Variants in STX4 observed in about 807,000 individuals in gnomAD.
STX4 encodes syntaxin-4.
A neutral mutation model predicts 41.8 loss-of-function variants in STX4; 24 were observed. That is an observed-to-expected ratio of 0.57 (90% CI 0.42 to 0.81). STX4 has a LOEUF of 0.81. Ranked by LOEUF, STX4 falls within the 30% of genes least tolerant of loss-of-function variation. The pLI is 0.00. For missense variants in STX4, 316 were observed against 389.9 expected (o/e 0.81, Z 1.60); for synonymous variants, 158 against 156.4 (o/e 1.01, Z -0.08).
At position 31,033,584 on chromosome 16, in the gene STX4, G is replaced by A. The variant is rs1028989205; in HGVS notation, c.-222G>A. The A allele has an allele frequency of 6.5e-7, 1 of 1,529,416 alleles. No homozygotes were observed. Among genetic ancestry groups the A allele is most frequent in the Non-Finnish European group, 8.8e-7 (1 of 1,136,348 alleles). The allele number at this position is 1,529,416 out of a possible 1,614,324, so 94.7% of individuals were successfully genotyped here. ...CTGAGGCTGCGGGAGCTGGAGCGGG[G>A]AAGAAAAGGGAATTCCAACCTGTGG... On this transcript the variant is annotated 5_prime_UTR_variant, in exon 1 of 11. Transcript: ENST00000313843. This position sits in a 1 kb window ranked among gnomAD's most constrained non-coding sequence, Gnocchi z 5.5.
At position 31,038,716 on chromosome 16, in the gene STX4, T is replaced by C. The variant is rs548016771; in HGVS notation, c.702+69T>C. 5 of 1,574,988 alleles carry C rather than the reference T, an allele frequency of 3.2e-6. No homozygotes were observed. In the East Asian group the frequency reaches 9.1e-5, roughly 29 times the overall value. On this transcript the variant is annotated intron_variant, in intron 8 of 10. Coordinates refer to ENST00000313843, the MANE Select transcript of STX4 (RefSeq NM_004604.5). ...CAAACTGCCAGCCTCCCGCCACCCT[T>C]AGATTCTCTCCCTGAGGCTTTTGTG...
intron 5 of STX4, 50 bp from the exon 6 acceptor site, chr16:31,037,876 C>A (rs999912733): frequency 2.5e-6 from 4 of 1,604,404 alleles, no homozygotes; most frequent in Non-Finnish European, 3.4e-6. Flanking sequence ...GAGGCACCGA[C>A]CGGGCAGGGA....
chr16:31,034,657 T>C, intron 4 of STX4, 121 bp downstream of exon 4: 1 of 1,163,892 alleles, frequency 8.6e-7, no homozygotes, highest in South Asian at 1.7e-5. Flanking sequence ...CAGGCCTGGG[T>C]CTAGCATCTG....
At chr16:31,037,690 TAAATA>T (rs1181515212) in intron 5 of STX4, among the ~76,000 whole-genome samples, 37 of 149,892 alleles carry the variant, frequency 2.5e-4, no homozygotes, top group African/African-American at 7.8e-4. Context: ...AATAAATAAA[TAAATA>T]AATAAATAAA....
Position 31,039,965 on chromosome 16 carries a change from G to A in STX4, c.*69G>A. On this transcript the variant is annotated 3_prime_UTR_variant, in exon 11 of 11. Transcript: ENST00000313843. The surrounding 1 kb of genome is among the most constrained non-coding windows in gnomAD (Gnocchi z 4.1). ...TGGCCTTCTCTCCCAGCAGCCTGGG[G>A]GGCAGGGCAGAGCCTCCAGTCGGAC... is the stretch of plus-strand genomic sequence containing the variant. 1.3e-6 allele frequency: 1 copy of A among 776,366 alleles called. No homozygotes were observed. The allele number at this position is 776,366 out of a possible 1,614,324, so 48.1% of individuals were successfully genotyped here.
chr16:31,034,681 A>G (rs2143716375), intron 4 of STX4, 145 bp downstream of exon 4: 3 of 940,966 alleles, frequency 3.2e-6, no homozygotes, highest in Non-Finnish European at 4.7e-6. Flanking sequence ...CCTGGCCTCC[A>G]GGCCATTGTA....
At chr16:31,033,277 A>G, upstream of STX4, 1 of 704,290 alleles carries the variant, frequency 1.4e-6, no homozygotes, top group Non-Finnish European at 2.6e-6. This position sits in a 1 kb window ranked among gnomAD's most constrained non-coding sequence, Gnocchi z 5.5. Flanking sequence ...GCGGTCCACG[A>G]GTTTGGGACC....
chr16:31,033,931 A>T lies in STX4; in HGVS notation c.31-82A>T. 6.8e-7 allele frequency: 1 copy of T among 1,462,624 alleles called. No individual in the cohort carries two copies. The highest frequency in any genetic ancestry group is 9.1e-7 in the Non-Finnish European group (1 of 1,103,488). 90.6% of individuals were successfully genotyped at this position (1,462,624 alleles called of 1,614,324 possible). A position where few individuals can be genotyped will look rare whatever the true frequency, so the allele number is the denominator to read the frequency against. On this transcript the variant is annotated intron_variant, in intron 1 of 10. Coordinates refer to ENST00000313843, the MANE Select transcript of STX4 (RefSeq NM_004604.5). This position sits in a 1 kb window ranked among gnomAD's most constrained non-coding sequence, Gnocchi z 5.5. ...TAGGGAGGGGTGGCTGATGGCCAGG[A>T]AGGAAAGTCCCGGAAGCCTGTGGGT...
In STX4 at chr16:31,038,004, G is replaced by T; in HGVS notation, c.457G>T (p.Val153Leu). The T allele has an allele frequency of 6.2e-6, 10 of 1,614,180 alleles. No homozygotes were observed. The highest frequency in any genetic ancestry group is 7.6e-6 in the Non-Finnish European group (9 of 1,180,034). ...GCAGTCCGAATACCGGGAGAAGAACGTGGAGCGGATTCGGAGGCAGCTGAA... is the reference window on the plus strand; with the variant it reads ...GCAGTCCGAATACCGGGAGAAGAACTTGGAGCGGATTCGGAGGCAGCTGAA... ...SMQSEYREKNVERIRRQLKIT... is the reference protein window; with the variant it reads ...SMQSEYREKNLERIRRQLKIT... The change falls in exon 6 of 11, where the codon GTG (valine) becomes TTG (leucine). Residue 153 changes from valine to leucine, a missense_variant. Transcript: ENST00000313843.
upstream of STX4, chr16:31,033,454 C>G: frequency 6.5e-7 from 1 of 1,546,508 alleles, no homozygotes; most frequent in South Asian, 1.2e-5. This position sits in a 1 kb window ranked among gnomAD's most constrained non-coding sequence, Gnocchi z 5.5. Flanking sequence ...GGCATCTCCG[C>G]TTCCGCTCGG....
chr16:31,038,588 C>G lies in STX4; in HGVS notation c.643C>G (p.Arg215Gly). Residue 215 changes from arginine to glycine, a missense_variant, in exon 8 of 11, where the codon CGC becomes GGC. Physicochemically the swap from Arg to Gly is moderately radical, Grantham distance 125. Coordinates refer to ENST00000313843, the MANE Select transcript of STX4 (RefSeq NM_004604.5). ...GCACAGTGAGATCCAGCAGCTTGAA[C>G]GCAGTATTCGTGAGCTGCACGACAT... is the stretch of plus-strand genomic sequence containing the variant. ...ARHSEIQQLERSIRELHDIFT... is the reference protein window; with the variant it reads ...ARHSEIQQLEGSIRELHDIFT... 6.2e-7 allele frequency: 1 copy of G among 1,614,124 alleles called. No homozygotes were observed. The highest frequency in any genetic ancestry group is 8.5e-7 in the Non-Finnish European group (1 of 1,180,032).
rs376753645 is a variant in STX4 at position 31,040,119 on chromosome 16, G to A, written c.*223G>A. The A allele has an allele frequency of 1.4e-4, 52 of 379,804 alleles. No homozygotes were observed. The East Asian group carries it at 1.7e-3, about 13-fold the overall frequency. 23.5% of individuals were successfully genotyped at this position (379,804 alleles called of 1,614,324 possible). ...GAGGCCTGCACTGTCCTGATTGGCC[G>A]GGACACACGGTTTTGTAAAAAATTA... On this transcript the variant is annotated 3_prime_UTR_variant, in exon 11 of 11. Transcript: ENST00000313843.
At position 31,039,629 on chromosome 16, in the gene STX4, A is replaced by G. The variant is rs1162505941; in HGVS notation, c.791A>G (p.Glu264Gly). ...RGQEHVKTALENQKKARKKKV... is the reference protein window; with the variant it reads ...RGQEHVKTALGNQKKARKKKV... The stretch of plus-strand genomic sequence containing the variant: ...CAGGAGCACGTCAAGACGGCCCTGG[A>G]GAACCAGAAGAAGGCGAGGAAGGTG... Residue 264 changes from glutamate (E) to glycine (G), a missense_variant, in exon 9 of 11, where the codon GAG (glutamate) becomes GGG (glycine). Physicochemically the swap from Glu to Gly is moderately conservative, Grantham distance 98 (BLOSUM62 -2). Coordinates refer to ENST00000313843, the MANE Select transcript of STX4 (RefSeq NM_004604.5). This position sits in a 1 kb window ranked among gnomAD's most constrained non-coding sequence, Gnocchi z 4.1. 2 of 1,614,164 alleles carry G rather than the reference A, an allele frequency of 1.2e-6. No homozygotes were observed.
At position 31,039,395 on chromosome 16, in the gene STX4, A is replaced by G; in HGVS notation, c.703-146A>G. The G allele has an allele frequency of 1.4e-6, 1 of 716,352 alleles. No individual in the cohort carries two copies. The highest frequency in any genetic ancestry group is 2.3e-6 in the Non-Finnish European group (1 of 434,506). The allele number at this position is 716,352 out of a possible 1,614,324, so 44.4% of individuals were successfully genotyped here. ...AGAAGGGGCCTGGAAGCCATCCCCA[A>G]GGAGTCTGAACTTTTGTCAGATCAA... On this transcript the variant is annotated intron_variant, in intron 8 of 10. Transcript: ENST00000313843. This position sits in a 1 kb window ranked among gnomAD's most constrained non-coding sequence, Gnocchi z 4.1.
In STX4 at chr16:31,038,439, G is replaced by A. The variant is rs2056819577; in HGVS notation, c.565-71G>A. On this transcript the variant is annotated intron_variant, in intron 7 of 10. Transcript: ENST00000313843. Reference sequence around the variant, plus strand: ...ATTCCAGGCTGAGGGCTCCCCAGAAGCTCAACAGGAGTTTCTGACCTGCTG... The same window carrying A: ...ATTCCAGGCTGAGGGCTCCCCAGAAACTCAACAGGAGTTTCTGACCTGCTG... 12 of 1,586,656 alleles carry A rather than the reference G, an allele frequency of 7.6e-6. No individual in the cohort carries two copies. In the South Asian group the frequency reaches 1.1e-4, roughly 15 times the overall value.
chr16:31,039,147 T>G lies in STX4; in HGVS notation c.703-394T>G. On this transcript the variant is annotated intron_variant, in intron 8 of 10. Transcript: ENST00000313843. This position sits in a 1 kb window ranked among gnomAD's most constrained non-coding sequence, Gnocchi z 4.1. Reference sequence around the variant, plus strand: ...GGAAAGAGATCTCATTCAGTAGGAGTACTGAGACCTGAGGCTGGTGGTGCC... The same window carrying G: ...GGAAAGAGATCTCATTCAGTAGGAGGACTGAGACCTGAGGCTGGTGGTGCC... The G allele has an allele frequency of 4.0e-6, 1 of 251,880 alleles. No homozygotes were observed. The highest frequency in any genetic ancestry group is 7.8e-6 in the Non-Finnish European group (1 of 127,782). 15.6% of individuals were successfully genotyped at this position (251,880 alleles called of 1,614,324 possible).
rs1458336381 is a variant in STX4, at chr16:31,033,569, G to A, written c.-237G>A. ...CACGGAGGGGCGGGGCTGAGGCTGC[G>A]GGAGCTGGAGCGGGGAAGAAAAGGG... On this transcript the variant is annotated 5_prime_UTR_variant, in exon 1 of 11. Coordinates refer to ENST00000313843, the MANE Select transcript of STX4 (RefSeq NM_004604.5). This position sits in a 1 kb window ranked among gnomAD's most constrained non-coding sequence, Gnocchi z 5.5. 1.3e-6 allele frequency: 2 copies of A among 1,542,254 alleles called. No homozygotes were observed. Among genetic ancestry groups the A allele is most frequent in the South Asian group, 1.2e-5 (1 of 83,674 alleles).
upstream of STX4, chr16:31,033,256 G>C: frequency 1.5e-6 from 1 of 686,042 alleles, no homozygotes; most frequent in South Asian, 1.5e-5. This position sits in a 1 kb window ranked among gnomAD's most constrained non-coding sequence, Gnocchi z 5.5. Flanking sequence ...ACAGTCACAG[G>C]GTCACATTCT....
At position 31,033,885 on chromosome 16, in the gene STX4, C is replaced by G. The variant is rs1181268491; in HGVS notation, c.30+50C>G. 1.4e-6 allele frequency: 2 copies of G among 1,452,870 alleles called. No individual in the cohort carries two copies. The highest frequency in any genetic ancestry group is 2.9e-5 in the African/African-American group (2 of 69,852). 90.0% of individuals were successfully genotyped at this position (1,452,870 alleles called of 1,614,324 possible). ...GGGGACGGGCGGACGAACTGGAACG[C>G]AGGACTTCTGGTCTTCGGGATAGGG... is the stretch of plus-strand genomic sequence containing the variant. On this transcript the variant is annotated intron_variant, in intron 1 of 10. Coordinates refer to ENST00000313843, the MANE Select transcript of STX4 (RefSeq NM_004604.5). The surrounding 1 kb of genome is among the most constrained non-coding windows in gnomAD (Gnocchi z 5.5).
Sources: allele counts gnomAD v4.1 joint callset (sites outside exome capture counted in the v4.1 genomes callset), GRCh38; gene constraint gnomAD v4.1.1; non-coding constraint Gnocchi (gnomAD v3.1); transcripts MANE v1.5; gene names NCBI Gene and HGNC (gene_info 2026-07-23, HGNC 2026-07-21).